The following EYA2 variants were observed in gnomAD, a reference collection of about 807,000 sequenced individuals.
EYA2 encodes the protein EYA transcriptional coactivator and phosphatase 2.
A neutral mutation model predicts 69.2 loss-of-function variants in EYA2; 31 were observed. That is an observed-to-expected ratio of 0.45 (90% CI 0.34 to 0.60). The LOEUF (loss-of-function observed/expected upper bound fraction) is 0.60, where lower values mean the gene tolerates loss of function less well. EYA2 is among the 20% of genes least tolerant of loss of function. EYA2 has a pLI of 0.02. For missense variants in EYA2, 622 were observed against 701.2 expected (o/e 0.89, Z 1.28); for synonymous variants, 257 against 279.4 (o/e 0.92, Z 0.80).
chr20:47,074,347 C>T lies in EYA2; in HGVS notation c.661+12C>T. 1 of 1,613,158 alleles carries T rather than the reference C, an allele frequency of 6.2e-7. No individual in the cohort carries two copies. On this transcript the variant is annotated intron_variant, in intron 7 of 15. Coordinates refer to ENST00000327619, the MANE Select transcript of EYA2 (RefSeq NM_005244.5). ...CGAGTCACTTGCTGGTAGGTGCAGT[C>T]ACTGGTGGGGCCATTCATGGCTGTG...
intron 1 of EYA2, among the ~76,000 whole-genome samples, chr20:46,972,773 C>G (rs1336955104): frequency 2.0e-5 from 3 of 152,028 alleles, no homozygotes; most frequent in African/African-American, 7.2e-5. Flanking sequence ...GCTGCTTAGT[C>G]ACCACTGTAC....
chr20:47,139,042 C>T (rs1212513144), intron 9 of EYA2, among the ~76,000 whole-genome samples: 2 of 152,198 alleles, frequency 1.3e-5, no homozygotes, highest in African/African-American at 2.4e-5. Flanking sequence ...AGATCTGGTG[C>T]ATTTCCTTCC....
At chr20:46,924,626 C>CG (rs1457594777) in intron 1 of EYA2, among the ~76,000 whole-genome samples, 1 of 145,786 alleles carries the variant, frequency 6.9e-6, no homozygotes, top group East Asian at 2.0e-4. Flanking sequence ...GCCGAAATCG[C>CG]GCCACTGCAC....
chr20:47,129,006 C>G (rs760387250), intron 9 of EYA2, among the ~76,000 whole-genome samples: 2 of 152,136 alleles, frequency 1.3e-5, no homozygotes, highest in Non-Finnish European at 2.9e-5. Flanking sequence ...TGCCCATAGT[C>G]CCAGCTACTC....
chr20:46,896,118 G>A (rs1983799623), intron 1 of EYA2, among the ~76,000 whole-genome samples: 1 of 152,168 alleles, frequency 6.6e-6, no homozygotes, highest in South Asian at 2.1e-4. Context: ...TGGAAGAGCT[G>A]AACATTGGAA....
chr20:47,081,766 G>A (rs1439040954), intron 7 of EYA2, among the ~76,000 whole-genome samples: 3 of 128,280 alleles, frequency 2.3e-5, no homozygotes, highest in African/African-American at 5.8e-5. Flanking sequence ...GTGACAAAGC[G>A]AGACCTTGTC....
intron 11 of EYA2, among the ~76,000 whole-genome samples, chr20:47,171,388 T>TTTTTG (rs374620038): frequency 1.3e-4 from 20 of 152,290 alleles, no homozygotes; most frequent in East Asian, 7.7e-4. Flanking sequence ...CTTGTTTGTT[T>TTTTTG]TTTTGTTTTG....
intron 9 of EYA2, among the ~76,000 whole-genome samples, chr20:47,121,708 A>G (rs552035114): frequency 1.3e-5 from 2 of 152,298 alleles, no homozygotes; most frequent in South Asian, 4.1e-4. Flanking sequence ...GATCCTTTGC[A>G]TGGGTCATCT....
At chr20:46,960,513 G>A (rs1023280854) in intron 1 of EYA2, among the ~76,000 whole-genome samples, 1 of 152,124 alleles carries the variant, frequency 6.6e-6, no homozygotes, top group Non-Finnish European at 1.5e-5. Flanking sequence ...TGAGGAAACC[G>A]AGGCACAGCA....
At chr20:47,158,157 G>T (rs1488773926) in intron 10 of EYA2, among the ~76,000 whole-genome samples, 2 of 151,942 alleles carry the variant, frequency 1.3e-5, no homozygotes, top group Non-Finnish European at 2.9e-5. Flanking sequence ...TTTGACACCT[G>T]CCCCTTGCCT....
intron 1 of EYA2, among the ~76,000 whole-genome samples, chr20:46,911,350 C>T (rs1428390351): frequency 3.3e-5 from 5 of 152,066 alleles, no homozygotes; most frequent in Non-Finnish European, 5.9e-5. Flanking sequence ...GTGCTCCAGG[C>T]GCTCACCACC....
intron 9 of EYA2, among the ~76,000 whole-genome samples, chr20:47,109,535 C>T (rs946604333): frequency 2.6e-5 from 4 of 152,076 alleles, no homozygotes; most frequent in Non-Finnish European, 4.4e-5. Context: ...ACCTTTCTCC[C>T]TCTGTGCTAT....
At chr20:46,983,295 G>A (rs1036679610) in intron 1 of EYA2, among the ~76,000 whole-genome samples, 1 of 152,076 alleles carries the variant, frequency 6.6e-6, no homozygotes, top group African/African-American at 2.4e-5. Context: ...AAACATTGTG[G>A]AGACTCTGGA....
intron 7 of EYA2, among the ~76,000 whole-genome samples, chr20:47,088,749 G>C (rs903819359): frequency 6.6e-6 from 1 of 152,144 alleles, no homozygotes. Context: ...ACCACACGAG[G>C]TCAACTTTTC....
rs1413871931 is a variant in EYA2, at chr20:47,004,929, T to C, written c.156-13T>C. 1 of 1,614,066 alleles carries C rather than the reference T, an allele frequency of 6.2e-7. No homozygotes were observed. Reference sequence around the variant, plus strand: ...CTGGGCCTGGAGATTTAATCTTCCCTCTTTCCACACAGATCTTGCCCACGT... The same window carrying C: ...CTGGGCCTGGAGATTTAATCTTCCCCCTTTCCACACAGATCTTGCCCACGT... On this transcript the variant is annotated splice_polypyrimidine_tract_variant and intron_variant, in intron 3 of 15. Coordinates refer to ENST00000327619, the MANE Select transcript of EYA2 (RefSeq NM_005244.5).
chr20:46,912,252 G>A (rs551274438), intron 1 of EYA2, among the ~76,000 whole-genome samples: 84 of 152,312 alleles, frequency 5.5e-4, no homozygotes, highest in Non-Finnish European at 5.9e-4. Flanking sequence ...ACTGCTAACC[G>A]TGGTCTACCA....
At chr20:47,114,428 G>C (rs1224853120) in intron 9 of EYA2, among the ~76,000 whole-genome samples, 1 of 152,052 alleles carries the variant, frequency 6.6e-6, no homozygotes, top group African/African-American at 2.4e-5. Flanking sequence ...CAGCCTGGCC[G>C]ACATGGTGAA....
chr20:46,989,388 C>T lies in EYA2; in HGVS notation c.-10-613C>T, dbSNP rs559028538. Among the ~76,000 whole-genome samples the T allele has an allele frequency of 5.3e-5, 8 of 152,304 alleles. No individual in the cohort carries two copies. In the East Asian group the frequency reaches 1.5e-3, roughly 29 times the overall value. ...TCAAGCGATTCTCCTGCCTCAGCCT[C>T]CCGAGTAGCTGGGACTACAGGCATA... On this transcript the variant is annotated intron_variant, in intron 1 of 15. Coordinates refer to ENST00000327619, the MANE Select transcript of EYA2 (RefSeq NM_005244.5).
At chr20:46,907,613 C>T (rs939896454) in intron 1 of EYA2, among the ~76,000 whole-genome samples, 1 of 152,176 alleles carries the variant, frequency 6.6e-6, no homozygotes, top group Non-Finnish European at 1.5e-5. Flanking sequence ...CCAAGGCAGG[C>T]GGATTGCGTG....
Sources: allele counts gnomAD v4.1 joint callset (sites outside exome capture counted in the v4.1 genomes callset), GRCh38; gene constraint gnomAD v4.1.1; transcripts MANE v1.5; gene names NCBI Gene and HGNC (gene_info 2026-07-23, HGNC 2026-07-21).